RB1CC1: variants seen among roughly 807,000 people sequenced by gnomAD.
RB1CC1 encodes the protein RB1-inducible coiled-coil protein 1.
RB1CC1 carries 46 observed loss-of-function variants against 177.5 expected under a neutral mutation model. That is an observed-to-expected ratio of 0.26 (90% CI 0.20 to 0.33). The LOEUF is 0.33. Among genes scored for constraint, RB1CC1 ranks in the 10% least tolerant of loss-of-function variants. RB1CC1 has a pLI of 1.00. For missense variants in RB1CC1, 1,703 were observed against 1,816.3 expected, an observed-to-expected ratio of 0.94 and a Z score of 1.13; for synonymous variants, 666 against 613.6, an observed-to-expected ratio of 1.09 and a Z score of -1.26.
chr8:52,672,485 G>A (rs576126138), intron 7 of RB1CC1, among the ~76,000 whole-genome samples: 2 of 152,308 alleles, frequency 1.3e-5, no homozygotes, highest in South Asian at 2.1e-4. Flanking sequence ...GCTCATGCCT[G>A]TAATCCCAGC....
Position 52,642,708 on chromosome 8 carries a change from A to T in RB1CC1, c.4092T>A (p.Asp1364Glu). 1 of 1,576,566 alleles carries T rather than the reference A, an allele frequency of 6.3e-7. No individual in the cohort carries two copies. Among genetic ancestry groups the T allele is most frequent in the East Asian group, 2.2e-5 (1 of 44,692 alleles). The change falls in exon 17 of 24, where the codon GAT (aspartate) becomes GAA (glutamate). Residue 1364 changes from aspartate to glutamate, a missense_variant. By Grantham distance (45) the Asp-to-Glu change is conservative. Coordinates refer to ENST00000025008, the MANE Select transcript of RB1CC1 (RefSeq NM_014781.5). The stretch of plus-strand genomic sequence containing the variant: ...ATAGTACAAAACAGTACAAACCTTT[A>T]TCCCGTTCTTGTTGCTGCATTGTAC... Reference protein sequence around the residue: ...LKSTMQQQERDKDLIESLSED... With the variant: ...LKSTMQQQEREKDLIESLSED...
chr8:52,688,306 T>G (rs1319195849), intron 1 of RB1CC1, among the ~76,000 whole-genome samples: 3 of 152,172 alleles, frequency 2.0e-5, no homozygotes, highest in African/African-American at 7.2e-5. Flanking sequence ...TATGTGCAAG[T>G]AGGAGAGATG....
chr8:52,674,381 C>G, intron 6 of RB1CC1, 107 bp from the exon 7 acceptor site: 2 of 962,540 alleles, frequency 2.1e-6, no homozygotes, highest in Non-Finnish European at 3.1e-6. Flanking sequence ...CTCACCACCT[C>G]TCCATAACAT....
At chr8:52,651,578 A>C (rs1024284727) in intron 15 of RB1CC1, among the ~76,000 whole-genome samples, 1 of 152,328 alleles carries the variant, frequency 6.6e-6, no homozygotes, top group Admixed American at 6.5e-5. Flanking sequence ...TCATAGTAAC[A>C]CCAAGTGTTG....
intron 5 of RB1CC1, among the ~76,000 whole-genome samples, chr8:52,677,082 A>G (rs1265535257): frequency 6.6e-6 from 1 of 152,228 alleles, no homozygotes; most frequent in Non-Finnish European, 1.5e-5. Flanking sequence ...AATGAAGTAC[A>G]AAAATATTTA....
chr8:52,644,437 A>T (rs1431246755), intron 16 of RB1CC1, among the ~76,000 whole-genome samples: 2 of 152,210 alleles, frequency 1.3e-5, no homozygotes, highest in Non-Finnish European at 2.9e-5. Flanking sequence ...TGCTTATAAG[A>T]GAACACACAA....
chr8:52,712,896 A>C (rs1023061215), intron 1 of RB1CC1, among the ~76,000 whole-genome samples: 6 of 152,224 alleles, frequency 3.9e-5, no homozygotes, highest in Non-Finnish European at 8.8e-5. Context: ...CCAATAATCC[A>C]AAAACTAAAA....
chr8:52,670,231 C>G (rs1015732683), intron 7 of RB1CC1, among the ~76,000 whole-genome samples: 1 of 152,204 alleles, frequency 6.6e-6, no homozygotes, highest in Non-Finnish European at 1.5e-5. Flanking sequence ...CCGTGCCCAG[C>G]TGACTTCCTA....
chr8:52,642,509 A>T lies in RB1CC1; in HGVS notation c.4179T>A (p.Arg1393=), dbSNP rs2305427. 3.7e-6 allele frequency: 6 copies of T among 1,613,796 alleles called. No individual in the cohort carries two copies. The African/African-American group carries it at 6.7e-5, about 18-fold the overall frequency. ...KKLEEEVSKL[R]SSSFVPSPYV... Reference sequence around the variant, plus strand: ...ATGGTGAAGGAACAAAACTGCTACTACGCAACTTACTGACTTCTTCTTCAA... The same window carrying T: ...ATGGTGAAGGAACAAAACTGCTACTTCGCAACTTACTGACTTCTTCTTCAA... The change falls in exon 18 of 24, where the codon CGT becomes CGA. Residue 1393 remains arginine (R), a synonymous_variant. Coordinates refer to ENST00000025008, the MANE Select transcript of RB1CC1 (RefSeq NM_014781.5).
At chr8:52,677,210 T>C (rs1216241956) in intron 5 of RB1CC1, among the ~76,000 whole-genome samples, 2 of 152,170 alleles carry the variant, frequency 1.3e-5, no homozygotes, top group African/African-American at 4.8e-5. Flanking sequence ...ATTCTACCTT[T>C]GTTAACTGGT....
At chr8:52,680,512 T>C (rs1430221600) in intron 5 of RB1CC1, among the ~76,000 whole-genome samples, 11 of 151,956 alleles carry the variant, frequency 7.2e-5, no homozygotes, top group African/African-American at 2.7e-4. Flanking sequence ...CAGAAGAGAT[T>C]GCAGAAGTAG....
Position 52,683,649 on chromosome 8 carries a change from G to C in RB1CC1, c.269C>G (p.Thr90Ser), listed in dbSNP as rs780131168. The change falls in exon 5 of 24, where the codon ACT becomes AGT. Residue 90 changes from threonine (T) to serine (S), a missense_variant. By Grantham distance (58) the Thr-to-Ser change is moderately conservative (BLOSUM62 1). This residue lies in a region of RB1CC1 where 118 missense variants were observed against 121.2 expected (regional missense o/e 0.97). Coordinates refer to ENST00000025008, the MANE Select transcript of RB1CC1 (RefSeq NM_014781.5). ...CATGTCATTTTCTGTCGAAAAGGTAGTTTTAGGAATAGCAGGTGGACGATC... is the reference window on the plus strand; with the variant it reads ...CATGTCATTTTCTGTCGAAAAGGTACTTTTAGGAATAGCAGGTGGACGATC... Reference protein sequence around the residue: ...LCDRPPAIPKTTFSTENDMEI... With the variant: ...LCDRPPAIPKSTFSTENDMEI... 11 of 1,612,236 alleles carry C rather than the reference G, an allele frequency of 6.8e-6. No individual in the cohort carries two copies. The East Asian group carries it at 2.5e-4, about 36-fold the overall frequency.
At chr8:52,693,661 C>T (rs1005236339) in intron 1 of RB1CC1, among the ~76,000 whole-genome samples, 3 of 152,092 alleles carry the variant, frequency 2.0e-5, no homozygotes, top group South Asian at 2.1e-4. Context: ...GACAGTGTGG[C>T]GATTCCTCAA....
intron 5 of RB1CC1, among the ~76,000 whole-genome samples, chr8:52,681,026 C>T (rs948335763): frequency 2.1e-5 from 3 of 143,490 alleles, no homozygotes; most frequent in South Asian, 2.2e-4. Context: ...AAGTCTCACT[C>T]TGTCACACAG....
In RB1CC1 at chr8:52,657,122, C is replaced by CA. The variant is rs1354307958; in HGVS notation, c.2706dup (p.Glu903Ter). The CA allele has an allele frequency of 6.2e-7, 1 of 1,611,464 alleles. No individual in the cohort carries two copies. Among genetic ancestry groups the CA allele is most frequent in the Non-Finnish European group, 8.5e-7 (1 of 1,178,616 alleles). ...TTATCTTTATTTTGTAAAACCTCCT[C>CA]AAGGCATACTAACTCTCCCTTCAAT... On this transcript the variant is annotated frameshift_variant, in exon 15 of 24. Coordinates refer to ENST00000025008, the MANE Select transcript of RB1CC1 (RefSeq NM_014781.5). LOFTEE classifies it high-confidence loss of function.
rs555455946 is a variant in RB1CC1, at chr8:52,696,071, T to C, written c.-166-9104A>G. Among the ~76,000 whole-genome samples the C allele has an allele frequency of 9.2e-5, 14 of 152,216 alleles. No individual in the cohort carries two copies. In the South Asian group the frequency reaches 2.9e-3, roughly 32 times the overall value. On this transcript the variant is annotated intron_variant, in intron 1 of 23. Coordinates refer to ENST00000025008, the MANE Select transcript of RB1CC1 (RefSeq NM_014781.5). ...TGGTTTTTTTGTTTTTCAGACGGAG[T>C]CTTGCTCTTGTCGCCCAGACTGGAG...
chr8:52,678,610 T>C (rs1233250329), intron 5 of RB1CC1, among the ~76,000 whole-genome samples: 1 of 152,208 alleles, frequency 6.6e-6, no homozygotes, highest in African/African-American at 2.4e-5. Flanking sequence ...AGGAAGTATT[T>C]TCTCTATATA....
chr8:52,629,025 TGAGGCAGTATTTTTG>T (rs1162150105), intron 21 of RB1CC1, among the ~76,000 whole-genome samples: 2 of 152,202 alleles, frequency 1.3e-5, no homozygotes, highest in Admixed American at 1.3e-4. Context: ...GGGGCCTCTA[TGAGGCAGTATTTTTG>T]GAGCTCCTCT....
intron 18 of RB1CC1, among the ~76,000 whole-genome samples, chr8:52,639,996 T>C (rs1315860458): frequency 6.6e-6 from 1 of 152,194 alleles, no homozygotes; most frequent in African/African-American, 2.4e-5. Context: ...ACCTTCTATT[T>C]ATCCCAATAT....
Sources: gnomAD v4.1 joint callset for allele counts (sites outside exome capture counted in the v4.1 genomes callset) on GRCh38, gnomAD v4.1.1 for gene constraint, gnomAD v4.1.1 regional missense constraint, MANE v1.5 for transcripts, NCBI Gene and HGNC (gene_info 2026-07-23, HGNC 2026-07-21) for gene names.